Variants in LCORL observed in about 807,000 individuals in gnomAD.
LCORL encodes ligand-dependent nuclear receptor corepressor-like protein.
In LCORL, 41 loss-of-function variants were observed where a neutral mutation model predicts 141.8. That is an observed-to-expected ratio of 0.29 (90% CI 0.23 to 0.38). The LOEUF (loss-of-function observed/expected upper bound fraction) is 0.38, where lower values mean the gene tolerates loss of function less well. LCORL is among the 10% of genes least tolerant of loss of function. The pLI is 1.00. For missense variants in LCORL, 1,759 were observed against 2,035.0 expected, an observed-to-expected ratio of 0.86 and a Z score of 2.61; for synonymous variants, 618 against 694.1, an observed-to-expected ratio of 0.89 and a Z score of 1.72.
Position 18,021,465 on chromosome 4 carries a change from G to C in LCORL, c.154+133C>G. Reference sequence around the variant, plus strand: ...GCGAGCGCCGGGGCCGCCGCGCCGCGCCGCTCCCATCTCGCTCCCCCACCG... The same window carrying C: ...GCGAGCGCCGGGGCCGCCGCGCCGCCCCGCTCCCATCTCGCTCCCCCACCG... On this transcript the variant is annotated intron_variant, in intron 1 of 7. Coordinates refer to ENST00000635767, the Ensembl canonical transcript of LCORL. The surrounding 1 kb of genome is among the most constrained non-coding windows in gnomAD (Gnocchi z 5.5). 5.6e-6 allele frequency: 4 copies of C among 720,340 alleles called. No homozygotes were observed. Among genetic ancestry groups the C allele is most frequent in the Non-Finnish European group, 8.3e-6 (4 of 480,976 alleles). 44.6% of individuals were successfully genotyped at this position (720,340 alleles called of 1,614,324 possible). A position where few individuals can be genotyped will look rare whatever the true frequency, so the allele number is the denominator to read the frequency against.
rs918820441 is a variant in LCORL, at chr4:18,021,462, C to T, written c.154+136G>A. The T allele has an allele frequency of 2.8e-6, 2 of 704,550 alleles. No homozygotes were observed. The highest frequency in any genetic ancestry group is 4.3e-6 in the Non-Finnish European group (2 of 468,160). 43.6% of individuals were successfully genotyped at this position (704,550 alleles called of 1,614,324 possible). On this transcript the variant is annotated intron_variant, in intron 1 of 7. Transcript: ENST00000635767. The surrounding 1 kb of genome is among the most constrained non-coding windows in gnomAD (Gnocchi z 5.5). ...AAGGCGAGCGCCGGGGCCGCCGCGC[C>T]GCGCCGCTCCCATCTCGCTCCCCCA...
At chr4:17,931,413 G>A (rs556570802) in intron 4 of LCORL, among the ~76,000 whole-genome samples, 9 of 151,774 alleles carry the variant, frequency 5.9e-5, no homozygotes, top group Non-Finnish European at 1.3e-4. Context: ...TGATGAAAAT[G>A]TAATTTATTT....
chr4:17,949,619 T>C (rs1739410791), intron 4 of LCORL, among the ~76,000 whole-genome samples: 1 of 152,182 alleles, frequency 6.6e-6, no homozygotes, highest in Non-Finnish European at 1.5e-5. Flanking sequence ...CTGTTATCAC[T>C]ATTGTAAAGC....
intron 7 of LCORL, among the ~76,000 whole-genome samples, chr4:17,869,680 T>C (rs1726104538): frequency 6.6e-6 from 1 of 152,146 alleles, no homozygotes; most frequent in Admixed American, 6.6e-5. Flanking sequence ...TCCACTCTCA[T>C]GGTTTCAGTT....
chr4:17,912,789 T>C (rs1314857594), intron 4 of LCORL: 2 of 418,802 alleles, frequency 4.8e-6, no homozygotes, highest in Admixed American at 2.7e-5. Flanking sequence ...GAGTACGAGG[T>C]CCTGCCAAAC....
chr4:17,953,779 T>A (rs1007852122), intron 4 of LCORL, among the ~76,000 whole-genome samples: 7 of 152,190 alleles, frequency 4.6e-5, no homozygotes, highest in African/African-American at 1.2e-4. Context: ...GCTAGGGATA[T>A]AACAAAACAC....
At chr4:17,903,721 C>T (rs1356679852) in intron 5 of LCORL, among the ~76,000 whole-genome samples, 1 of 151,876 alleles carries the variant, frequency 6.6e-6, no homozygotes, top group Non-Finnish European at 1.5e-5. Flanking sequence ...GGAAAATAGG[C>T]ATGTTTTCCT....
At chr4:17,878,305 G>T in intron 6 of LCORL, 92 bp from the exon 7 acceptor site, 2 of 879,884 alleles carry the variant, frequency 2.3e-6, no homozygotes, top group Non-Finnish European at 3.0e-6. Flanking sequence ...AAGATATTTT[G>T]GTATTGCTGG....
intron 7 of LCORL, among the ~76,000 whole-genome samples, chr4:17,855,097 G>A (rs1054721465): frequency 3.9e-5 from 6 of 152,048 alleles, no homozygotes; most frequent in Non-Finnish European, 7.4e-5. Context: ...AGAAATGGGA[G>A]AGCCACCTGA....
intron 4 of LCORL, among the ~76,000 whole-genome samples, chr4:17,927,739 G>A (rs577756508): frequency 2.0e-5 from 3 of 152,278 alleles, no homozygotes; most frequent in East Asian, 3.9e-4. Context: ...GGAGTGGTTC[G>A]TGGTGCTCCA....
chr4:17,842,587 C>T, exon 8 of LCORL: 1 of 521,134 alleles, frequency 1.9e-6, no homozygotes, highest in South Asian at 2.3e-5. Flanking sequence ...TATTAGCTGG[C>T]ATGGTCTTTA....
At chr4:17,963,128 C>T in intron 2 of LCORL, 79 bp from the exon 3 acceptor site, 1 of 635,946 alleles carries the variant, frequency 1.6e-6, no homozygotes, top group Admixed American at 3.2e-5. Flanking sequence ...ACAGCAATGG[C>T]TCACATAATA....
exon 8 of LCORL, chr4:17,844,819 C>G (rs1050550836): frequency 1.3e-5 from 2 of 152,310 alleles, no homozygotes; most frequent in Non-Finnish European, 2.9e-5. Flanking sequence ...TTTACCATAC[C>G]AAAGCTTGCT....
chr4:17,992,246 T>G (rs1009469403), intron 1 of LCORL, among the ~76,000 whole-genome samples: 1 of 152,112 alleles, frequency 6.6e-6, no homozygotes, highest in Non-Finnish European at 1.5e-5. Context: ...AGGAGAGAGA[T>G]GTGCTGAGTG....
chr4:17,996,259 A>G (rs1015141120), intron 1 of LCORL, among the ~76,000 whole-genome samples: 3 of 152,090 alleles, frequency 2.0e-5, no homozygotes, highest in Admixed American at 2.0e-4. Context: ...TAGAATTTTT[A>G]TATTTATAGC....
chr4:17,871,691 ATG>A (rs1245850024), intron 7 of LCORL, among the ~76,000 whole-genome samples: 2 of 151,880 alleles, frequency 1.3e-5, no homozygotes, highest in Admixed American at 1.3e-4. Context: ...TTTAAGAATT[ATG>A]TGTGTATATT....
At chr4:17,875,918 A>G in exon 7 of LCORL, 1 of 1,231,324 alleles carries the variant, frequency 8.1e-7, no homozygotes, top group Non-Finnish European at 1.0e-6. Flanking sequence ...TATCAGTATC[A>G]TAATGACTGG....
At chr4:17,883,507 T>TA in intron 6 of LCORL, 6 of 1,292,062 alleles carry the variant, frequency 4.6e-6, no homozygotes, top group Non-Finnish European at 5.9e-6. Context: ...AGCAACTATA[T>TA]AATTCTGTCC....
exon 7 of LCORL, chr4:17,877,223 A>G (rs1727020642): frequency 8.1e-7 from 1 of 1,230,186 alleles, no homozygotes; most frequent in South Asian, 4.1e-5. Flanking sequence ...TATCATGTTG[A>G]CTCAATAATT....
Sources: gnomAD v4.1 joint callset for allele counts (sites outside exome capture counted in the v4.1 genomes callset) on GRCh38, gnomAD v4.1.1 for gene constraint, Gnocchi (gnomAD v3.1) non-coding constraint, MANE v1.5 for transcripts, NCBI Gene and HGNC (gene_info 2026-07-23, HGNC 2026-07-21) for gene names.